Variants in ATP10A observed in about 807,000 individuals in gnomAD.
ATP10A encodes the protein phospholipid-transporting ATPase VA.
A neutral mutation model predicts 147.8 loss-of-function variants in ATP10A; 111 were observed. That is an observed-to-expected ratio of 0.75 (90% CI 0.64 to 0.88). The LOEUF is 0.88. ATP10A is among the 40% of genes least tolerant of loss of function. The pLI, the probability that ATP10A is intolerant of heterozygous loss-of-function variation, is 0.00. For synonymous variants in ATP10A, 875 were observed against 841.6 expected (o/e 1.04, Z -0.69); for missense variants, 1,927 against 1,959.0 (o/e 0.98, Z 0.31).
chr15:25,795,226 C>T (rs1890618131), intron 1 of ATP10A, among the ~76,000 whole-genome samples: 1 of 152,172 alleles, frequency 6.6e-6, no homozygotes, highest in Admixed American at 6.5e-5. Context: ...CAGGGCATCC[C>T]CACCTTCTCA....
chr15:25,733,754 C>G (rs917372678), intron 3 of ATP10A, among the ~76,000 whole-genome samples: 2 of 152,230 alleles, frequency 1.3e-5, no homozygotes, highest in Admixed American at 1.3e-4. Context: ...AGGGGGCTAC[C>G]AGGGTTGGAC....
intron 3 of ATP10A, among the ~76,000 whole-genome samples, chr15:25,728,360 G>A (rs1263826316): frequency 6.6e-6 from 1 of 151,272 alleles, no homozygotes; most frequent in South Asian, 2.1e-4. Context: ...AGGGTTCTTC[G>A]CCAGAGCAGA....
chr15:25,697,100 C>T (rs150576628), intron 13 of ATP10A, among the ~76,000 whole-genome samples: 3 of 152,332 alleles, frequency 2.0e-5, no homozygotes, highest in Middle Eastern at 3.4e-3. Flanking sequence ...TAAAGAGAAG[C>T]TTGGCTAACT....
intron 1 of ATP10A, among the ~76,000 whole-genome samples, chr15:25,833,005 CAG>C (rs1463624393): frequency 8.2e-6 from 1 of 122,092 alleles, no homozygotes; most frequent in African/African-American, 3.1e-5. Flanking sequence ...TTTTTTGAGA[CAG>C]AGTCTCACTC....
At chr15:25,839,613 G>A (rs1261727440) in intron 1 of ATP10A, among the ~76,000 whole-genome samples, 3 of 152,178 alleles carry the variant, frequency 2.0e-5, no homozygotes, top group Non-Finnish European at 4.4e-5. Flanking sequence ...CCACCACTGG[G>A]CACTCCGTTG....
chr15:25,790,203 G>A (rs916815425), intron 1 of ATP10A, among the ~76,000 whole-genome samples: 1 of 152,202 alleles, frequency 6.6e-6, no homozygotes, highest in Non-Finnish European at 1.5e-5. Context: ...GTGAGAGGCA[G>A]TGAGAAATGA....
intron 5 of ATP10A, 118 bp downstream of exon 5, chr15:25,725,833 G>A: frequency 8.0e-7 from 1 of 1,246,810 alleles, no homozygotes; most frequent in Non-Finnish European, 1.1e-6. Flanking sequence ...TGGCCAGCTG[G>A]TCACCAACTC....
At chr15:25,734,062 C>T (rs955940990) in intron 3 of ATP10A, among the ~76,000 whole-genome samples, 12 of 152,178 alleles carry the variant, frequency 7.9e-5, no homozygotes, top group South Asian at 2.1e-4. Flanking sequence ...CAGTGAGGTG[C>T]TGGGGCTGAG....
At chr15:25,850,306 T>G (rs1385765940) in intron 1 of ATP10A, among the ~76,000 whole-genome samples, 2 of 152,186 alleles carry the variant, frequency 1.3e-5, no homozygotes, top group Non-Finnish European at 2.9e-5. Flanking sequence ...CCTCTCACAA[T>G]GCTCTCGGTT....
chr15:25,822,637 C>T (rs1355798167), intron 1 of ATP10A, among the ~76,000 whole-genome samples: 1 of 152,194 alleles, frequency 6.6e-6, no homozygotes, highest in Non-Finnish European at 1.5e-5. Context: ...TGACCTGTCT[C>T]ACTCCAAGGA....
chr15:25,783,067 T>C (rs974148652), intron 1 of ATP10A, among the ~76,000 whole-genome samples: 2 of 152,028 alleles, frequency 1.3e-5, no homozygotes, highest in African/African-American at 4.8e-5. Flanking sequence ...TCCCAGCTAC[T>C]TGACAGGCTG....
At chr15:25,798,733 C>T (rs928002176) in intron 1 of ATP10A, among the ~76,000 whole-genome samples, 1 of 152,164 alleles carries the variant, frequency 6.6e-6, no homozygotes, top group African/African-American at 2.4e-5. Context: ...CTGGGCAATC[C>T]TCAGACACTG....
chr15:25,698,936 G>T (rs1394275390), intron 13 of ATP10A, among the ~76,000 whole-genome samples: 1 of 151,962 alleles, frequency 6.6e-6, no homozygotes, highest in East Asian at 1.9e-4. Context: ...GCTGATAAAA[G>T]AAATAAAAGA....
intron 1 of ATP10A, among the ~76,000 whole-genome samples, chr15:25,855,093 T>C (rs1392189972): frequency 1.5e-5 from 2 of 132,150 alleles, no homozygotes; most frequent in African/African-American, 2.9e-5. Flanking sequence ...AAAAAGAAAA[T>C]AGTGGAAACA....
chr15:25,765,778 C>G (rs1051847176), intron 2 of ATP10A, among the ~76,000 whole-genome samples: 2 of 152,214 alleles, frequency 1.3e-5, no homozygotes, highest in African/African-American at 4.8e-5. Flanking sequence ...ACCCTTTTCT[C>G]TATAACTTCA....
chr15:25,729,149 G>T (rs181978750), intron 3 of ATP10A, among the ~76,000 whole-genome samples: 3 of 152,198 alleles, frequency 2.0e-5, no homozygotes, highest in African/African-American at 7.2e-5. Flanking sequence ...GCAGAATATG[G>T]CTGTATTTGG....
At chr15:25,731,919 G>A (rs1043536897) in intron 3 of ATP10A, among the ~76,000 whole-genome samples, 1 of 152,054 alleles carries the variant, frequency 6.6e-6, no homozygotes, top group African/African-American at 2.4e-5. Context: ...GCAGTGGTGT[G>A]ATCATAGCTC....
chr15:25,714,569 G>A lies in ATP10A; in HGVS notation c.1777-328C>T, dbSNP rs1484071263. Among the ~76,000 whole-genome samples the A allele has an allele frequency of 2.0e-5, 3 of 152,042 alleles. No homozygotes were observed. The South Asian group carries it at 6.2e-4, about 31-fold the overall frequency. On this transcript the variant is annotated intron_variant, in intron 9 of 20. Transcript: ENST00000555815. Reference sequence around the variant, plus strand: ...CCTCTTCCACTTCTCTTAAACAAAGGTTATGCAAGATTCTTTCAGAACGTG... The same window carrying A: ...CCTCTTCCACTTCTCTTAAACAAAGATTATGCAAGATTCTTTCAGAACGTG...
chr15:25,802,749 A>T (rs874489), intron 1 of ATP10A, among the ~76,000 whole-genome samples: 64,824 of 151,886 alleles, frequency 0.43, 14,471 homozygotes, highest in Middle Eastern at 0.55. Flanking sequence ...CTCATCTGAC[A>T]CTTTCTTCCA....
Sources: allele counts gnomAD v4.1 joint callset (sites outside exome capture counted in the v4.1 genomes callset), GRCh38; gene constraint gnomAD v4.1.1; transcripts MANE v1.5; gene names NCBI Gene and HGNC (gene_info 2026-07-23, HGNC 2026-07-21).